Variants in RALGPS1 observed in about 807,000 individuals in gnomAD.
The protein encoded by RALGPS1 is Ral GEF with PH domain and SH3 binding motif 1, also known as ras-specific guanine nucleotide-releasing factor RalGPS1.
A neutral mutation model predicts 78.8 loss-of-function variants in RALGPS1; 19 were observed. The ratio of observed to expected loss-of-function variants is 0.24; its 90% confidence interval spans 0.17 to 0.35. The LOEUF (loss-of-function observed/expected upper bound fraction) is 0.35, where lower values mean the gene tolerates loss of function less well. RALGPS1 is among the 10% of genes least tolerant of loss of function. The pLI, the probability that RALGPS1 is intolerant of heterozygous loss-of-function variation, is 1.00. For missense variants in RALGPS1, 454 were observed against 688.3 expected, an observed-to-expected ratio of 0.66 and a Z score of 3.81; for synonymous variants, 228 against 256.3, an observed-to-expected ratio of 0.89 and a Z score of 1.06.
At chr9:126,985,642 G>T (rs2041729077) in intron 4 of RALGPS1, among the ~76,000 whole-genome samples, 1 of 152,100 alleles carries the variant, frequency 6.6e-6, no homozygotes, top group Middle Eastern at 3.2e-3. Flanking sequence ...TAGACTGCTG[G>T]TCAAATTTTA....
intron 4 of RALGPS1, among the ~76,000 whole-genome samples, chr9:126,994,850 G>T (rs62580790): frequency 0.027 from 4,176 of 152,222 alleles, 51 homozygotes; most frequent in Middle Eastern, 0.048. Context: ...AACTCTACAA[G>T]CCAGAAGAGA....
At chr9:127,108,697 C>G in intron 8 of RALGPS1, 1 of 1,612,682 alleles carries the variant, frequency 6.2e-7, no homozygotes, top group Non-Finnish European at 8.5e-7. Flanking sequence ...AGCCAGCAGT[C>G]CGAGCCACCA....
chr9:127,023,692 T>G lies in RALGPS1; in HGVS notation c.217-10739T>G, dbSNP rs187753075. Among the ~76,000 whole-genome samples, 44 of 152,218 alleles carry G rather than the reference T, an allele frequency of 2.9e-4. 1 individual carries two copies. Among genetic ancestry groups the G allele is most frequent in the Admixed American group, 2.9e-3 (44 of 15,280 alleles). The stretch of plus-strand genomic sequence containing the variant: ...AGCTCTCCTGTAGGACAGGTGTGTT[T>G]CCCTAAGGCCCAGCTGGTCATGATT... On this transcript the variant is annotated intron_variant, in intron 4 of 18. Transcript: ENST00000259351.
chr9:126,998,745 A>G (rs1427061199), intron 4 of RALGPS1, among the ~76,000 whole-genome samples: 1 of 152,136 alleles, frequency 6.6e-6, no homozygotes. Flanking sequence ...ACTATTCACA[A>G]TAGCGAAGAC....
intron 1 of RALGPS1, among the ~76,000 whole-genome samples, chr9:126,958,097 C>A (rs2038502414): frequency 7.1e-6 from 1 of 140,466 alleles, no homozygotes; most frequent in South Asian, 2.3e-4. Flanking sequence ...CAGCACTGCA[C>A]TCCAAACTGG....
intron 8 of RALGPS1, among the ~76,000 whole-genome samples, chr9:127,103,119 T>G (rs1181133843): frequency 6.6e-6 from 1 of 152,270 alleles, no homozygotes; most frequent in African/African-American, 2.4e-5. Flanking sequence ...CCTGGTTGCT[T>G]GCTTGACCTC....
intron 5 of RALGPS1, among the ~76,000 whole-genome samples, chr9:127,037,545 C>T (rs2046964288): frequency 6.6e-6 from 1 of 152,220 alleles, no homozygotes; most frequent in Non-Finnish European, 1.5e-5. Flanking sequence ...TAGGGAGATA[C>T]TGACTTCAAA....
At chr9:127,177,982 A>G (rs1588361502) in intron 11 of RALGPS1, 1 of 1,543,544 alleles carries the variant, frequency 6.5e-7, no homozygotes, top group Non-Finnish European at 8.8e-7. Flanking sequence ...GATGGTTCAC[A>G]TGAAGAGACT....
At position 127,212,765 on chromosome 9, in the gene RALGPS1, G is replaced by A. The variant is rs1454209441; in HGVS notation, c.1446+46G>A. 7 of 1,550,372 alleles carry A rather than the reference G, an allele frequency of 4.5e-6. No homozygotes were observed. In the South Asian group the frequency reaches 6.8e-5, roughly 15 times the overall value. On this transcript the variant is annotated intron_variant, in intron 16 of 18. Coordinates refer to ENST00000259351, the MANE Select transcript of RALGPS1 (RefSeq NM_014636.3). This position sits in a 1 kb window ranked among gnomAD's most constrained non-coding sequence, Gnocchi z 6.0. ...CTAGTGCTGGGACTTCCTCTAGTGG[G>A]GAAGGGACCTCTGTGAACTGTGGAG...
At chr9:127,085,811 A>G (rs929570905) in intron 8 of RALGPS1, among the ~76,000 whole-genome samples, 1 of 152,076 alleles carries the variant, frequency 6.6e-6, no homozygotes, top group African/African-American at 2.4e-5. Flanking sequence ...CTTGTTCCCT[A>G]TGTCCCACAC....
intron 11 of RALGPS1, among the ~76,000 whole-genome samples, chr9:127,191,608 C>A (rs2061037045): frequency 6.6e-6 from 1 of 151,704 alleles, no homozygotes; most frequent in African/African-American, 2.4e-5. Context: ...TAGGGCAAGT[C>A]TTGCACTGTT....
At chr9:127,092,127 A>G (rs569409295) in intron 8 of RALGPS1, among the ~76,000 whole-genome samples, 2 of 152,350 alleles carry the variant, frequency 1.3e-5, no homozygotes, top group South Asian at 4.1e-4. Context: ...AAAAATATGT[A>G]GAGTGCCTAC....
chr9:127,120,668 C>T (rs1199066294), intron 8 of RALGPS1, among the ~76,000 whole-genome samples: 1 of 152,102 alleles, frequency 6.6e-6, no homozygotes, highest in African/African-American at 2.4e-5. Context: ...TGAAAATACA[C>T]ACACACAAAA....
At chr9:127,178,099 AT>A in intron 11 of RALGPS1, 1 of 1,171,878 alleles carries the variant, frequency 8.5e-7, no homozygotes, top group Non-Finnish European at 1.2e-6. Context: ...AGTGTTACCA[AT>A]CCCAGGGATG....
At chr9:126,997,270 A>G (rs1157610132) in intron 4 of RALGPS1, among the ~76,000 whole-genome samples, 2 of 152,206 alleles carry the variant, frequency 1.3e-5, no homozygotes, top group African/African-American at 2.4e-5. Flanking sequence ...ATGATTGTAT[A>G]TCTAGAAAAC....
intron 4 of RALGPS1, among the ~76,000 whole-genome samples, chr9:127,011,786 A>G (rs1318491053): frequency 6.6e-6 from 1 of 152,200 alleles, no homozygotes; most frequent in Non-Finnish European, 1.5e-5. Context: ...TGTATGTAAC[A>G]GGAAGATTAA....
chr9:127,214,940 C>T, intron 18 of RALGPS1, 98 bp downstream of exon 18: 1 of 1,563,244 alleles, frequency 6.4e-7, no homozygotes, highest in Non-Finnish European at 8.6e-7. Context: ...TCTTTCAGAG[C>T]CCATTAGCCA....
At chr9:126,946,847 C>T (rs554804665) in intron 1 of RALGPS1, among the ~76,000 whole-genome samples, 43 of 152,264 alleles carry the variant, frequency 2.8e-4, no homozygotes, top group Non-Finnish European at 5.1e-4. Context: ...GCCTCCTTTC[C>T]CTATGGAAGA....
chr9:127,167,728 C>T (rs1311541452), intron 9 of RALGPS1, among the ~76,000 whole-genome samples: 5 of 152,188 alleles, frequency 3.3e-5, no homozygotes, highest in Admixed American at 6.5e-5. Context: ...CCAGAGCTAT[C>T]GGGTGCTCAT....
Sources: allele counts gnomAD v4.1 joint callset (sites outside exome capture counted in the v4.1 genomes callset), GRCh38; gene constraint gnomAD v4.1.1; non-coding constraint Gnocchi (gnomAD v3.1); transcripts MANE v1.5; gene names NCBI Gene and HGNC (gene_info 2026-07-23, HGNC 2026-07-21).